NTN4: variants seen among roughly 807,000 people sequenced by gnomAD.
NTN4 encodes the protein netrin 4.
A neutral mutation model predicts 73.6 loss-of-function variants in NTN4; 32 were observed. The ratio of observed to expected loss-of-function variants is 0.44; its 90% CI spans 0.33 to 0.58. The LOEUF is 0.58. Ranked by LOEUF, NTN4 falls within the 20% of genes least tolerant of loss-of-function variation. NTN4 has a pLI of 0.04. For missense variants in NTN4, 654 were observed against 798.3 expected (o/e 0.82, Z 2.18); for synonymous variants, 258 against 287.5 (o/e 0.90, Z 1.04).
intron 5 of NTN4, among the ~76,000 whole-genome samples, chr12:95,709,150 A>G (rs1463218904): frequency 6.6e-6 from 1 of 152,236 alleles, no homozygotes; most frequent in Non-Finnish European, 1.5e-5. Context: ...AGAGCAATAT[A>G]GTTTTTCCTT....
chr12:95,696,396 C>CT (rs1332933486), intron 5 of NTN4, among the ~76,000 whole-genome samples: 1 of 152,056 alleles, frequency 6.6e-6, no homozygotes, highest in East Asian at 1.9e-4. Flanking sequence ...CTATTTGTGT[C>CT]ATTTAAAAAA....
intron 2 of NTN4, among the ~76,000 whole-genome samples, chr12:95,762,827 A>T (rs12301267): frequency 0.021 from 3,251 of 152,318 alleles, 115 homozygotes; most frequent in African/African-American, 0.073. Context: ...CACAATAGAA[A>T]TTCTGGGCTC....
intron 5 of NTN4, among the ~76,000 whole-genome samples, chr12:95,697,440 A>T (rs12301064): frequency 0.027 from 4,058 of 152,242 alleles, 184 homozygotes; most frequent in African/African-American, 0.093. Context: ...GACAATATTT[A>T]TCATCTTTCA....
chr12:95,701,764 T>C (rs561745148), intron 5 of NTN4, among the ~76,000 whole-genome samples: 43 of 152,292 alleles, frequency 2.8e-4, no homozygotes, highest in African/African-American at 1.0e-3. Context: ...AAAAATCTCC[T>C]AGAACATTCG....
chr12:95,774,175 CT>C (rs546496727), intron 2 of NTN4, among the ~76,000 whole-genome samples: 5 of 101,092 alleles, frequency 4.9e-5, no homozygotes, highest in Admixed American at 1.9e-4. Flanking sequence ...GTTTTTCTCT[CT>C]TTTTTTTTTT....
intron 3 of NTN4, among the ~76,000 whole-genome samples, chr12:95,723,092 G>A (rs1202546122): frequency 1.3e-5 from 2 of 151,642 alleles, no homozygotes. Context: ...TTAGGTAGGA[G>A]TCTGTCTTAC....
At position 95,790,095 on chromosome 12, in the gene NTN4, G is replaced by A; in HGVS notation, c.55+160C>T. On this transcript the variant is annotated intron_variant, in intron 1 of 9. Coordinates refer to ENST00000343702, the MANE Select transcript of NTN4 (RefSeq NM_021229.4). The surrounding 1 kb of genome is among the most constrained non-coding windows in gnomAD (Gnocchi z 6.5). ...AAATAAATCAATAGTATTTGAAACT[G>A]CGGAGCCCCGGGGAAAGGAGGCGGA... The A allele has an allele frequency of 1.8e-6, 1 of 551,576 alleles. No homozygotes were observed. The highest frequency in any genetic ancestry group is 3.2e-6 in the Non-Finnish European group (1 of 316,908). The allele number at this position is 551,576 out of a possible 1,614,324, so 34.2% of individuals were successfully genotyped here.
At chr12:95,734,107 A>G (rs1430027887) in intron 3 of NTN4, among the ~76,000 whole-genome samples, 1 of 151,924 alleles carries the variant, frequency 6.6e-6, no homozygotes, top group Non-Finnish European at 1.5e-5. Context: ...TATTAAGGTA[A>G]ATGAGGCTCC....
In NTN4 at chr12:95,658,403, C is replaced by G. The variant is rs1229514030; in HGVS notation, c.*683G>C. 1 of 152,462 alleles carries G rather than the reference C, an allele frequency of 6.6e-6. No homozygotes were observed. Among genetic ancestry groups the G allele is most frequent in the African/African-American group, 2.4e-5 (1 of 41,448 alleles). The allele number at this position is 152,462 out of a possible 1,614,324, so 9.4% of individuals were successfully genotyped here. ...TTCTCCTTTCTGGTTGCATCTTCAC[C>G]TAGTTTCTCCAAGTATTCAGAGTTA... On this transcript the variant is annotated 3_prime_UTR_variant, in exon 10 of 10. Coordinates refer to ENST00000343702, the MANE Select transcript of NTN4 (RefSeq NM_021229.4).
chr12:95,741,271 C>A (rs12321544), intron 2 of NTN4, among the ~76,000 whole-genome samples: 1,708 of 146,966 alleles, frequency 0.012, 36 homozygotes, highest in African/African-American at 0.041. Context: ...TACATACATA[C>A]CTATGATAAA....
chr12:95,717,464 G>A (rs1213468119), intron 3 of NTN4, among the ~76,000 whole-genome samples: 2 of 152,064 alleles, frequency 1.3e-5, no homozygotes, highest in African/African-American at 2.4e-5. Flanking sequence ...AAAGATGCTA[G>A]CCCAGCAAAT....
chr12:95,764,158 G>A (rs190392613), intron 2 of NTN4, among the ~76,000 whole-genome samples: 1 of 152,372 alleles, frequency 6.6e-6, no homozygotes, highest in East Asian at 1.9e-4. Context: ...GGGTGGGGTT[G>A]TGGAGAGCCA....
chr12:95,782,913 A>C (rs2079143225), intron 2 of NTN4, among the ~76,000 whole-genome samples: 1 of 152,318 alleles, frequency 6.6e-6, no homozygotes, highest in African/African-American at 2.4e-5. Flanking sequence ...TCGCAATTCC[A>C]GTGTCATGAG....
At chr12:95,677,730 T>C (rs1047574987) in intron 7 of NTN4, among the ~76,000 whole-genome samples, 1 of 152,228 alleles carries the variant, frequency 6.6e-6, no homozygotes, top group Non-Finnish European at 1.5e-5. Flanking sequence ...GCATTTACAC[T>C]GTTGGCAGGA....
rs1202605532 is a variant in NTN4 at position 95,658,289 on chromosome 12, C to A, written c.*797G>T. 2 of 152,128 alleles carry A rather than the reference C, an allele frequency of 1.3e-5. No individual in the cohort carries two copies. Among genetic ancestry groups the A allele is most frequent in the Non-Finnish European group, 2.9e-5 (2 of 68,024 alleles). The allele number at this position is 152,128 out of a possible 1,614,324, so 9.4% of individuals were successfully genotyped here. A position where few individuals can be genotyped will look rare whatever the true frequency, so the allele number is the denominator to read the frequency against. On this transcript the variant is annotated 3_prime_UTR_variant, in exon 10 of 10. Coordinates refer to ENST00000343702, the MANE Select transcript of NTN4 (RefSeq NM_021229.4). ...ATTTCTTTCTCTTATTTTAAAGTCT[C>A]TTCTGGTTTAGTTTTTTAAAAAGTT... is the stretch of plus-strand genomic sequence containing the variant.
intron 3 of NTN4, among the ~76,000 whole-genome samples, chr12:95,718,586 A>C (rs2078624832): frequency 6.6e-6 from 1 of 152,196 alleles, no homozygotes; most frequent in Non-Finnish European, 1.5e-5. Flanking sequence ...TTAGGCTTAA[A>C]TGACATATAG....
chr12:95,722,875 G>GAGGC (rs1376529476), intron 3 of NTN4, among the ~76,000 whole-genome samples: 3 of 148,672 alleles, frequency 2.0e-5, no homozygotes, highest in Non-Finnish European at 4.4e-5. Context: ...TTGGGAGGCT[G>GAGGC]AGGCAGGAGA....
chr12:95,728,731 G>A (rs2078713281), intron 3 of NTN4, among the ~76,000 whole-genome samples: 1 of 152,152 alleles, frequency 6.6e-6, no homozygotes, highest in Non-Finnish European at 1.5e-5. Context: ...CCCTGATATG[G>A]TTTGGATCTG....
intron 7 of NTN4, among the ~76,000 whole-genome samples, chr12:95,678,630 A>G (rs2078292756): frequency 6.6e-6 from 1 of 152,166 alleles, no homozygotes; most frequent in African/African-American, 2.4e-5. Context: ...CAGTAAAAAA[A>G]AATGATGCAT....
Sources: gnomAD v4.1 joint callset for allele counts (sites outside exome capture counted in the v4.1 genomes callset) on GRCh38, gnomAD v4.1.1 for gene constraint, Gnocchi (gnomAD v3.1) non-coding constraint, MANE v1.5 for transcripts, NCBI Gene and HGNC (gene_info 2026-07-23, HGNC 2026-07-21) for gene names.